Variants in TDRD9 observed in about 807,000 individuals in gnomAD.
The protein encoded by TDRD9 is ATP-dependent RNA helicase TDRD9.
Under a neutral mutation model 172.6 loss-of-function variants are expected in TDRD9, and 124 were observed. That is an observed-to-expected ratio of 0.72 (90% confidence interval 0.62 to 0.83). The LOEUF is 0.83. Ranked by LOEUF, TDRD9 falls within the 40% of genes least tolerant of loss-of-function variation. The pLI, the probability that TDRD9 is intolerant of heterozygous loss-of-function variation, is 0.00. For missense variants in TDRD9, 1,479 were observed against 1,714.1 expected, an observed-to-expected ratio of 0.86 and a Z score of 2.42; for synonymous variants, 619 against 617.1, an observed-to-expected ratio of 1.00 and a Z score of -0.05.
intron 32 of TDRD9, among the ~76,000 whole-genome samples, chr14:104,036,657 G>A (rs911083679): frequency 6.6e-6 from 1 of 152,164 alleles, no homozygotes; most frequent in Admixed American, 6.5e-5. Flanking sequence ...GAGTGCAAGC[G>A]TTTAGGTTGT....
rs142358671 is a variant in TDRD9, at chr14:103,973,883, A to G, written c.847-1506A>G. 7.9e-5 allele frequency among the ~76,000 whole-genome samples: 12 copies of G among 152,312 alleles called. No homozygotes were observed. The East Asian group carries it at 2.1e-3, about 27-fold the overall frequency. The stretch of plus-strand genomic sequence containing the variant: ...GATGTTTTCTTTACTCAATAACTGC[A>G]ACAACAATGCTTATATGAAATGTTT... On this transcript the variant is annotated intron_variant, in intron 6 of 35. Transcript: ENST00000409874.
At chr14:104,032,108 C>T (rs1237990481) in intron 30 of TDRD9, 21 bp downstream of exon 30, 19 of 1,502,084 alleles carry the variant, frequency 1.3e-5, no homozygotes, top group Non-Finnish European at 1.4e-5. Flanking sequence ...CTTAAGTTTT[C>T]CATGAATTTT....
rs1202879580 is a variant in TDRD9, at chr14:104,049,694, A to G, written c.4047+14A>G. The G allele has an allele frequency of 1.9e-6, 3 of 1,568,344 alleles. No individual in the cohort carries two copies. Among genetic ancestry groups the G allele is most frequent in the Non-Finnish European group, 2.6e-6 (3 of 1,156,804 alleles). ...GAGTGGAATCAGGTGAGTGGGACGC[A>G]GGCTGCTACATGAGCAGAGGCCACG... On this transcript the variant is annotated intron_variant, in intron 35 of 35. Transcript: ENST00000409874.
At chr14:104,014,489 C>T (rs568757701) in intron 20 of TDRD9, among the ~76,000 whole-genome samples, 33 of 152,048 alleles carry the variant, frequency 2.2e-4, no homozygotes, top group South Asian at 1.9e-3. Flanking sequence ...CCATGTTGCC[C>T]GGGCTGGTTT....
chr14:103,991,958 C>T (rs1056739928), intron 9 of TDRD9, among the ~76,000 whole-genome samples: 7 of 152,080 alleles, frequency 4.6e-5, no homozygotes, highest in Admixed American at 3.9e-4. Context: ...TTGCCACCTT[C>T]GAAATTTCCA....
intron 33 of TDRD9, 143 bp from the exon 34 acceptor site, chr14:104,041,926 C>A: frequency 1.8e-6 from 1 of 547,030 alleles, no homozygotes; most frequent in Non-Finnish European, 3.3e-6. Flanking sequence ...AAACTGGGAG[C>A]AGTCAAGATG....
In TDRD9 at chr14:104,031,385, T is replaced by G. The variant is rs962108928; in HGVS notation, c.3438+122T>G. ...TTTCTGGCTTTTAATGCTGTTACTT[T>G]TCTCACAATTGATCCTCTTATAATA... On this transcript the variant is annotated intron_variant, in intron 29 of 35. Transcript: ENST00000409874. 1.6e-5 allele frequency: 13 copies of G among 802,582 alleles called. No individual in the cohort carries two copies. In the Admixed American group the frequency reaches 2.5e-4, roughly 15 times the overall value. The allele number at this position is 802,582 out of a possible 1,614,324, so 49.7% of individuals were successfully genotyped here.
chr14:103,975,726 A>G (rs959162649), intron 7 of TDRD9, among the ~76,000 whole-genome samples, 173 bp downstream of exon 7: 2 of 152,236 alleles, frequency 1.3e-5, no homozygotes, highest in Non-Finnish European at 2.9e-5. Flanking sequence ...ACATAGGTAT[A>G]ATGTGTCATG....
In TDRD9 at chr14:103,990,407, A is replaced by G. The variant is rs928584695; in HGVS notation, c.1116-753A>G. 7.2e-5 allele frequency among the ~76,000 whole-genome samples: 11 copies of G among 152,286 alleles called. No homozygotes were observed. The South Asian group carries it at 2.1e-3, about 29-fold the overall frequency. On this transcript the variant is annotated intron_variant, in intron 8 of 35. Coordinates refer to ENST00000409874, the MANE Select transcript of TDRD9 (RefSeq NM_153046.3). ...GTTCCCAGGCATTGCCTGGATTGCC[A>G]CTGCATGGCTTTTCCATGGCTCCCT...
intron 22 of TDRD9, among the ~76,000 whole-genome samples, chr14:104,017,340 T>C (rs1450885692): frequency 6.6e-6 from 1 of 152,188 alleles, no homozygotes; most frequent in Non-Finnish European, 1.5e-5. Flanking sequence ...TTAGGTACTT[T>C]TCATTCTTCT....
intron 27 of TDRD9, 105 bp from the exon 28 acceptor site, chr14:104,026,574 A>G: frequency 7.6e-7 from 1 of 1,321,658 alleles, no homozygotes; most frequent in Non-Finnish European, 1.0e-6. Context: ...CTTTTATGAG[A>G]ATATTATTGA....
At chr14:104,022,454 G>T (rs537281243) in intron 24 of TDRD9, 124 bp downstream of exon 24, 2 of 1,047,644 alleles carry the variant, frequency 1.9e-6, no homozygotes, top group East Asian at 5.2e-5. Context: ...TTGGCTGGGT[G>T]TGGGGGCTCA....
At chr14:104,038,123 C>T (rs1258828056) in intron 32 of TDRD9, among the ~76,000 whole-genome samples, 4 of 152,078 alleles carry the variant, frequency 2.6e-5, no homozygotes, top group African/African-American at 9.7e-5. Flanking sequence ...CAAATGCTGG[C>T]CATGGTTTAG....
chr14:103,930,962 A>C (rs1391337286), intron 1 of TDRD9, among the ~76,000 whole-genome samples: 1 of 152,198 alleles, frequency 6.6e-6, no homozygotes, highest in African/African-American at 2.4e-5. Context: ...CAGAGCAATG[A>C]AATGAAAAAA....
At chr14:104,009,055 C>T (rs1394076739) in intron 20 of TDRD9, among the ~76,000 whole-genome samples, 1 of 152,212 alleles carries the variant, frequency 6.6e-6, no homozygotes, top group Non-Finnish European at 1.5e-5. Context: ...AACATACTTA[C>T]ACAGACCTAG....
At chr14:103,930,388 T>G (rs565976863) in intron 1 of TDRD9, among the ~76,000 whole-genome samples, 1 of 152,288 alleles carries the variant, frequency 6.6e-6, no homozygotes, top group South Asian at 2.1e-4. Context: ...CATTTCACCT[T>G]GTTGGCCAGG....
chr14:103,940,917 G>C (rs547372848), intron 1 of TDRD9: 1 of 1,535,384 alleles, frequency 6.5e-7, no homozygotes, highest in Admixed American at 2.0e-5. Flanking sequence ...TTTCATCTTT[G>C]TCTGCCCTCT....
At position 104,015,981 on chromosome 14, in the gene TDRD9, G is replaced by A. The variant is rs1312159172; in HGVS notation, c.2224G>A (p.Val742Ile). 3.2e-6 allele frequency: 5 copies of A among 1,582,160 alleles called. No individual in the cohort carries two copies. The highest frequency in any genetic ancestry group is 2.7e-5 in the African/African-American group (2 of 74,238). The part of the protein sequence containing the change: ...YIYKQRFILQ[V>I]VLAGAFYPNY... ...TCATGAAAATAAATTTCTTTTTCAGGTTGTATTGGCAGGTGCTTTCTATCC... is the reference window on the plus strand; with the variant it reads ...TCATGAAAATAAATTTCTTTTTCAGATTGTATTGGCAGGTGCTTTCTATCC... Residue 742 changes from valine (V) to isoleucine (I), a missense_variant and splice_region_variant, in exon 22 of 36, where the codon GTT becomes ATT. This residue lies in a region of TDRD9 where 1,413 missense variants were observed against 1,649.1 expected (regional missense o/e 0.86). Coordinates refer to ENST00000409874, the MANE Select transcript of TDRD9 (RefSeq NM_153046.3).
intron 1 of TDRD9, among the ~76,000 whole-genome samples, chr14:103,933,766 A>T (rs570583629): frequency 6.6e-6 from 1 of 152,116 alleles, no homozygotes; most frequent in African/African-American, 2.4e-5. Context: ...TGCCTGCTGT[A>T]TTGGGCATTG....
Sources: allele counts gnomAD v4.1 joint callset (sites outside exome capture counted in the v4.1 genomes callset), GRCh38; gene constraint gnomAD v4.1.1; regional missense constraint gnomAD v4.1.1; transcripts MANE v1.5; gene names NCBI Gene and HGNC (gene_info 2026-07-23, HGNC 2026-07-21).